Variants in NSD3 observed in about 807,000 individuals in gnomAD.
NSD3 encodes the protein nuclear receptor binding SET domain protein 3, also known as histone-lysine N-methyltransferase NSD3.
Under a neutral mutation model 160.8 loss-of-function variants are expected in NSD3, and 24 were observed. The ratio of observed to expected loss-of-function variants is 0.15; its 90% confidence interval spans 0.11 to 0.21. The LOEUF (loss-of-function observed/expected upper bound fraction) is 0.21, where lower values mean the gene tolerates loss of function less well. Ranked by LOEUF, NSD3 falls within the 10% of genes least tolerant of loss-of-function variation. The pLI, the probability that NSD3 is intolerant of heterozygous loss-of-function variation, is 1.00. For synonymous variants in NSD3, 520 were observed against 600.0 expected (o/e 0.87, Z 1.95); for missense variants, 1,157 against 1,735.9 (o/e 0.67, Z 5.93).
chr8:38,301,957 CAACCCTCTAAGATGA>C (rs1427150754), intron 14 of NSD3, among the ~76,000 whole-genome samples: 3 of 152,204 alleles, frequency 2.0e-5, no homozygotes, highest in African/African-American at 7.2e-5. Context: ...TTATTTTACA[CAACCCTCTAAGATGA>C]AAGGAGATGC....
chr8:38,327,214 TA>T (rs1809936448), intron 6 of NSD3, among the ~76,000 whole-genome samples: 1 of 151,870 alleles, frequency 6.6e-6, no homozygotes, highest in African/African-American at 2.4e-5. Flanking sequence ...CACGCCCTGC[TA>T]ATTTTTTTTT....
intron 1 of NSD3, among the ~76,000 whole-genome samples, chr8:38,380,261 A>G (rs1427947114): frequency 6.6e-6 from 1 of 152,258 alleles, no homozygotes; most frequent in Non-Finnish European, 1.5e-5. Flanking sequence ...AAGAGCTATC[A>G]GAAATACTAT....
chr8:38,349,083 C>A (rs1242141364), intron 1 of NSD3, among the ~76,000 whole-genome samples: 2 of 152,206 alleles, frequency 1.3e-5, no homozygotes, highest in African/African-American at 4.8e-5. Flanking sequence ...TCTTTCTCTA[C>A]ATTTTTACAT....
Position 38,316,059 on chromosome 8 carries a change from GA to G in NSD3, c.1856-18del. On this transcript the variant is annotated intron_variant, in intron 9 of 23. Coordinates refer to ENST00000317025, the MANE Select transcript of NSD3 (RefSeq NM_023034.2). This position sits in a 1 kb window ranked among gnomAD's most constrained non-coding sequence, Gnocchi z 4.5. ...CGCTGGCACCTTAATACAACACACT[GA>G]AATTAATCCTAAAATAGTACTTAAG... 3 of 1,609,882 alleles carry G rather than the reference GA, an allele frequency of 1.9e-6. No individual in the cohort carries two copies. The highest frequency in any genetic ancestry group is 2.5e-6 in the Non-Finnish European group (3 of 1,179,140).
intron 1 of NSD3, among the ~76,000 whole-genome samples, chr8:38,370,380 ATTT>A (rs550018393): frequency 1.5e-5 from 2 of 137,396 alleles, no homozygotes; most frequent in Admixed American, 7.3e-5. Flanking sequence ...GTCCAGGAGA[ATTT>A]TTTTTTTTTT....
At chr8:38,357,230 A>G (rs1366076056) in intron 1 of NSD3, among the ~76,000 whole-genome samples, 1 of 151,626 alleles carries the variant, frequency 6.6e-6, no homozygotes, top group Non-Finnish European at 1.5e-5. Context: ...TTCTGTTTTC[A>G]GACACAGCTA....
intron 12 of NSD3, among the ~76,000 whole-genome samples, chr8:38,310,673 A>G (rs972486237): frequency 2.3e-4 from 35 of 150,576 alleles, no homozygotes; most frequent in Admixed American, 4.0e-4. Context: ...ATGCCAGGCT[A>G]ACTTTTTTTT....
chr8:38,381,546 C>T (rs1811562289), intron 1 of NSD3: 1 of 139,456 alleles, frequency 7.2e-6, no homozygotes, highest in African/African-American at 2.7e-5. Context: ...ATCCCACTCC[C>T]CACCTCCCCT....
intron 12 of NSD3, among the ~76,000 whole-genome samples, chr8:38,305,789 T>C (rs1809379042): frequency 6.6e-6 from 1 of 152,168 alleles, no homozygotes; most frequent in South Asian, 2.1e-4. Flanking sequence ...AAAGTCTGAT[T>C]CCATTAGATA....
intron 1 of NSD3, among the ~76,000 whole-genome samples, chr8:38,366,507 T>C (rs959413669): frequency 3.3e-5 from 5 of 151,580 alleles, no homozygotes; most frequent in South Asian, 2.1e-4. Flanking sequence ...CTTTGCCTCC[T>C]GGGTTCAAGC....
Position 38,331,601 on chromosome 8 carries a change from CTTA to C in NSD3, c.911-19_911-17del. 16 of 1,608,128 alleles carry C rather than the reference CTTA, an allele frequency of 9.9e-6. No homozygotes were observed. The highest frequency in any genetic ancestry group is 1.4e-5 in the Non-Finnish European group (16 of 1,178,302). On this transcript the variant is annotated splice_polypyrimidine_tract_variant and intron_variant, in intron 4 of 23. Transcript: ENST00000317025. ...TCTCGGGCACCTGTAAGTAAAAATT[CTTA>C]TTAACCATTTCAGAACATAAGCATT...
At chr8:38,349,911 C>T (rs1400998760) in intron 1 of NSD3, among the ~76,000 whole-genome samples, 2 of 151,638 alleles carry the variant, frequency 1.3e-5, no homozygotes, top group Non-Finnish European at 2.9e-5. Flanking sequence ...GTTCAATTCC[C>T]ACCTATGAGT....
chr8:38,276,188 T>C (rs1808598527), intron 23 of NSD3, 108 bp downstream of exon 23: 1 of 1,289,346 alleles, frequency 7.8e-7, no homozygotes. Context: ...TTTTCGCTAT[T>C]GTTTGTTCTA....
intron 1 of NSD3, chr8:38,380,567 T>C (rs1319548335): frequency 2.6e-5 from 4 of 152,204 alleles, no homozygotes; most frequent in Non-Finnish European, 4.4e-5. Flanking sequence ...TAGTTTTAAA[T>C]TGATTAAATG....
rs1392254637 is a variant in NSD3 at position 38,272,340 on chromosome 8, G to A, written c.*3301C>T. The A allele has an allele frequency of 6.6e-6, 1 of 152,154 alleles. No individual in the cohort carries two copies. The highest frequency in any genetic ancestry group is 2.4e-5 in the African/African-American group (1 of 41,420). The allele number at this position is 152,154 out of a possible 1,614,324, so 9.4% of individuals were successfully genotyped here. The stretch of plus-strand genomic sequence containing the variant: ...AGAATTAAGATAAGAGTGGGAACTT[G>A]TTAAAACAAAAATGAAAATAAAACC... On this transcript the variant is annotated 3_prime_UTR_variant, in exon 24 of 24. Coordinates refer to ENST00000317025, the MANE Select transcript of NSD3 (RefSeq NM_023034.2).
At chr8:38,331,264 G>T (rs1810054172) in intron 5 of NSD3, among the ~76,000 whole-genome samples, 167 bp downstream of exon 5, 1 of 151,932 alleles carries the variant, frequency 6.6e-6, no homozygotes. Context: ...AAAACTCATT[G>T]GTGTACTTAC....
intron 1 of NSD3, among the ~76,000 whole-genome samples, chr8:38,364,715 G>A (rs1037433326): frequency 6.6e-6 from 1 of 152,104 alleles, no homozygotes; most frequent in African/African-American, 2.4e-5. Context: ...AAATATATAG[G>A]GAGAAAGAAA....
At chr8:38,306,763 TA>T (rs1379729111) in intron 12 of NSD3, among the ~76,000 whole-genome samples, 4 of 151,904 alleles carry the variant, frequency 2.6e-5, no homozygotes, top group Admixed American at 6.6e-5. Flanking sequence ...AAAAGAAAAT[TA>T]AAATGTGTTC....
At position 38,284,396 on chromosome 8, in the gene NSD3, T is replaced by A. The variant is rs193244484; in HGVS notation, c.3502-2813A>T. Among the ~76,000 whole-genome samples the A allele has an allele frequency of 2.6e-5, 4 of 152,302 alleles. No homozygotes were observed. The East Asian group carries it at 7.7e-4, about 29-fold the overall frequency. On this transcript the variant is annotated intron_variant, in intron 19 of 23. Transcript: ENST00000317025. ...TATACTTAATGATGTTAGGGCAAAT[T>A]TTCTGTTTTGAGACGGAGTTTCACT...
Sources: allele counts gnomAD v4.1 joint callset (sites outside exome capture counted in the v4.1 genomes callset), GRCh38; gene constraint gnomAD v4.1.1; non-coding constraint Gnocchi (gnomAD v3.1); transcripts MANE v1.5; gene names NCBI Gene and HGNC (gene_info 2026-07-23, HGNC 2026-07-21).